The following CACNB2 variants were observed in gnomAD, a reference collection of about 807,000 sequenced individuals.
CACNB2 encodes voltage-dependent L-type calcium channel subunit beta-2.
A neutral mutation model predicts 73.3 loss-of-function variants in CACNB2; 42 were observed. The observed-to-expected ratio is 0.57, with a 90% CI of 0.45 to 0.74. The LOEUF (loss-of-function observed/expected upper bound fraction) is 0.74, where lower values mean the gene tolerates loss of function less well. Among genes scored for constraint, CACNB2 ranks in the 30% least tolerant of loss-of-function variants. The pLI, the probability that CACNB2 is intolerant of heterozygous loss-of-function variation, is 0.00. For synonymous variants in CACNB2, 348 were observed against 310.3 expected (o/e 1.12, Z -1.28); for missense variants, 940 against 853.0 (o/e 1.10, Z -1.27).
chr10:18,169,959 T>C (rs2033115482), intron 2 of CACNB2, among the ~76,000 whole-genome samples: 2 of 152,238 alleles, frequency 1.3e-5, no homozygotes, highest in African/African-American at 4.8e-5. Context: ...CTCTGGCCTC[T>C]ACTGTCTTCC....
At chr10:18,276,521 G>A (rs908553415) in intron 2 of CACNB2, among the ~76,000 whole-genome samples, 1 of 152,170 alleles carries the variant, frequency 6.6e-6, no homozygotes, top group Non-Finnish European at 1.5e-5. Flanking sequence ...GTCATAGAGG[G>A]CTGGATACAG....
intron 2 of CACNB2, among the ~76,000 whole-genome samples, chr10:18,246,943 G>A (rs932723498): frequency 2.6e-5 from 4 of 152,082 alleles, no homozygotes; most frequent in African/African-American, 9.7e-5. Context: ...GCCCGAATAA[G>A]TAGTTTTTTA....
At chr10:18,532,584 GA>G (rs1166372688) in intron 10 of CACNB2, among the ~76,000 whole-genome samples, 1 of 145,396 alleles carries the variant, frequency 6.9e-6, no homozygotes, top group Non-Finnish European at 1.5e-5. Context: ...TGAGGCGAGA[GA>G]ATCACTTGAA....
At chr10:18,518,656 C>A (rs1312382438) in intron 8 of CACNB2, among the ~76,000 whole-genome samples, 1 of 152,132 alleles carries the variant, frequency 6.6e-6, no homozygotes, top group East Asian at 1.9e-4. Flanking sequence ...TGTACTCAGT[C>A]CAGGAAATAG....
intron 2 of CACNB2, among the ~76,000 whole-genome samples, chr10:18,225,927 A>G (rs1014217528): frequency 6.6e-6 from 1 of 152,154 alleles, no homozygotes; most frequent in African/African-American, 2.4e-5. Context: ...GGTGTGAAGC[A>G]CTGGACCTGG....
chr10:18,146,868 C>T (rs987192811), intron 1 of CACNB2, among the ~76,000 whole-genome samples: 5 of 152,122 alleles, frequency 3.3e-5, no homozygotes, highest in South Asian at 2.1e-4. Context: ...GGTGGTCCAC[C>T]CACATTGCTT....
chr10:18,410,055 A>G (rs752295307), intron 3 of CACNB2, among the ~76,000 whole-genome samples: 1 of 152,084 alleles, frequency 6.6e-6, no homozygotes, highest in Non-Finnish European at 1.5e-5. Context: ...AGCCCCAGCC[A>G]TACTTCATCC....
At chr10:18,301,734 C>T (rs754923302) in intron 2 of CACNB2, among the ~76,000 whole-genome samples, 9 of 151,814 alleles carry the variant, frequency 5.9e-5, no homozygotes, top group Non-Finnish European at 1.2e-4. Context: ...CTGCAACCTC[C>T]GCCTTCTGGG....
chr10:18,315,464 C>G (rs1285546223), intron 2 of CACNB2, among the ~76,000 whole-genome samples: 1 of 124,958 alleles, frequency 8.0e-6, no homozygotes, highest in Non-Finnish European at 1.6e-5. Flanking sequence ...AGTTTGAGAT[C>G]AGCCTGGGCA....
chr10:18,218,436 G>C (rs920444230), intron 2 of CACNB2, among the ~76,000 whole-genome samples: 1 of 152,158 alleles, frequency 6.6e-6, no homozygotes, highest in Non-Finnish European at 1.5e-5. Flanking sequence ...AAATGTTCTT[G>C]GTTATAACAT....
intron 3 of CACNB2, among the ~76,000 whole-genome samples, chr10:18,437,616 T>C (rs77006596): frequency 9.8e-5 from 15 of 152,308 alleles, no homozygotes; most frequent in African/African-American, 3.4e-4. Context: ...CCAATCTAAC[T>C]GCAAGGAAGG....
At chr10:18,527,364 G>C (rs11014655) in intron 9 of CACNB2, among the ~76,000 whole-genome samples, 1 of 151,850 alleles carries the variant, frequency 6.6e-6, no homozygotes, top group Non-Finnish European at 1.5e-5. Context: ...CAGCCTGGGC[G>C]AGACTCTGTC....
intron 2 of CACNB2, among the ~76,000 whole-genome samples, chr10:18,209,901 A>T (rs1224050074): frequency 6.6e-6 from 1 of 152,154 alleles, no homozygotes; most frequent in Non-Finnish European, 1.5e-5. Context: ...ACTAGTTCAG[A>T]TAGTTTGTCA....
chr10:18,330,489 C>T (rs2040756692), intron 2 of CACNB2, among the ~76,000 whole-genome samples: 2 of 152,000 alleles, frequency 1.3e-5, no homozygotes, highest in Admixed American at 6.6e-5. Context: ...CTCTACAAAA[C>T]ATTGAAAGAT....
intron 3 of CACNB2, among the ~76,000 whole-genome samples, chr10:18,457,182 C>T (rs2047326712): frequency 6.6e-6 from 1 of 152,180 alleles, no homozygotes; most frequent in South Asian, 2.1e-4. Flanking sequence ...GCTCAACCTC[C>T]TGGGGCTGCG....
chr10:18,328,849 A>T (rs541853132), intron 2 of CACNB2, among the ~76,000 whole-genome samples: 2 of 152,200 alleles, frequency 1.3e-5, no homozygotes, highest in Non-Finnish European at 2.9e-5. Context: ...ATTTCACTGG[A>T]TATGTAGAGA....
At chr10:18,446,784 G>T (rs1458646357) in intron 3 of CACNB2, among the ~76,000 whole-genome samples, 3 of 152,136 alleles carry the variant, frequency 2.0e-5, no homozygotes, top group African/African-American at 7.2e-5. Flanking sequence ...TTAAAAATAA[G>T]CTAGGCACAG....
chr10:18,162,650 C>T (rs967780304), intron 2 of CACNB2, among the ~76,000 whole-genome samples: 2 of 152,108 alleles, frequency 1.3e-5, no homozygotes, highest in Admixed American at 6.5e-5. Flanking sequence ...TTCTCTATGA[C>T]CTGGAAGAGC....
chr10:18,168,551 A>T (rs1160500841), intron 2 of CACNB2, among the ~76,000 whole-genome samples: 1 of 151,180 alleles, frequency 6.6e-6, no homozygotes, highest in Non-Finnish European at 1.5e-5. Context: ...TTGTTGTTTT[A>T]TGGAGTAAGG....
Sources: gnomAD v4.1 joint callset for allele counts (sites outside exome capture counted in the v4.1 genomes callset) on GRCh38, gnomAD v4.1.1 for gene constraint, MANE v1.5 for transcripts, NCBI Gene and HGNC (gene_info 2026-07-23, HGNC 2026-07-21) for gene names.